Variants in KLRF1 observed in about 807,000 individuals in gnomAD.
KLRF1 encodes killer cell lectin-like receptor subfamily F member 1.
In KLRF1, 27 loss-of-function variants were observed where a neutral mutation model predicts 30.7. The ratio of observed to expected loss-of-function variants is 0.88; its 90% confidence interval spans 0.65 to 1.21. The LOEUF is 1.21. Among genes scored for constraint, KLRF1 ranks in the 50% most tolerant of loss-of-function variants. The pLI, the probability that KLRF1 is intolerant of heterozygous loss-of-function variation, is 0.00. For synonymous variants in KLRF1, 92 were observed against 89.3 expected (o/e 1.03, Z -0.17); for missense variants, 246 against 259.3 (o/e 0.95, Z 0.35).
At chr12:9,821,105 C>G in the KLRF1 span, among the ~76,000 whole-genome samples, 2 of 152,000 alleles carry the variant, frequency 1.3e-5, no homozygotes, top group African/African-American at 4.8e-5. Flanking sequence ...AAACAAAGAT[C>G]CTGAGGGCTA....
intron 3 of KLRF1, among the ~76,000 whole-genome samples, chr12:9,835,351 G>A (rs1002595615): frequency 6.6e-6 from 1 of 152,056 alleles, no homozygotes; most frequent in African/African-American, 2.4e-5. Flanking sequence ...TCCAGCTAGG[G>A]CGGCAGCCAC....
chr12:9,816,942 C>A, the KLRF1 span, among the ~76,000 whole-genome samples: 2 of 151,796 alleles, frequency 1.3e-5, no homozygotes, highest in African/African-American at 4.8e-5. Context: ...ACCGTGTTAG[C>A]CAGGGTGGTC....
intron 3 of KLRF1, among the ~76,000 whole-genome samples, chr12:9,836,307 A>G (rs1438630261): frequency 6.6e-6 from 1 of 152,000 alleles, no homozygotes; most frequent in South Asian, 2.1e-4. Flanking sequence ...CTGTCTAGTC[A>G]TACTCCTATT....
At position 9,841,966 on chromosome 12, in the gene KLRF1, A is replaced by G. The variant is rs1474925485; in HGVS notation, c.474+15A>G. 1 of 1,602,986 alleles carries G rather than the reference A, an allele frequency of 6.2e-7. No homozygotes were observed. Among genetic ancestry groups the G allele is most frequent in the Non-Finnish European group, 8.5e-7 (1 of 1,175,462 alleles). Reference sequence around the variant, plus strand: ...AACTTGAAATGGTAATTGGTCTAGTATCAGGGTTATGGCATCTTTGCAGTA... The same window carrying G: ...AACTTGAAATGGTAATTGGTCTAGTGTCAGGGTTATGGCATCTTTGCAGTA... On this transcript the variant is annotated intron_variant, in intron 4 of 5. Transcript: ENST00000617889.
chr12:9,835,583 A>C (rs1206814840), intron 3 of KLRF1, among the ~76,000 whole-genome samples: 1 of 152,038 alleles, frequency 6.6e-6, no homozygotes, highest in African/African-American at 2.4e-5. Flanking sequence ...CCTAAGCAAT[A>C]ATTACTGCTA....
intron 3 of KLRF1, among the ~76,000 whole-genome samples, chr12:9,841,567 A>G (rs1050369424): frequency 6.6e-6 from 1 of 152,094 alleles, no homozygotes; most frequent in African/African-American, 2.4e-5. Flanking sequence ...TAGTCAATAT[A>G]ATAGATCTTG....
upstream of KLRF1, among the ~76,000 whole-genome samples, chr12:9,827,008 A>G (rs1867293846): frequency 6.6e-6 from 1 of 152,192 alleles, no homozygotes; most frequent in Non-Finnish European, 1.5e-5. Context: ...CTACACATGT[A>G]GCCCTGAACC....
chr12:9,832,521 T>A (rs140856169), intron 2 of KLRF1, 107 bp downstream of exon 2: 8 of 671,992 alleles, frequency 1.2e-5, no homozygotes, highest in Non-Finnish European at 1.8e-5. Flanking sequence ...TAACCAAGAT[T>A]GAATTAGAAG....
chr12:9,833,285 A>T lies in KLRF1; in HGVS notation c.185-18A>T. 2 of 1,562,384 alleles carry T rather than the reference A, an allele frequency of 1.3e-6. No individual in the cohort carries two copies. The highest frequency in any genetic ancestry group is 1.7e-6 in the Non-Finnish European group (2 of 1,154,614). ...AGAGAAGATATTTACCTAACCTTAAAATAGTCCTGTATTCAAGTTTCTCAG... is the reference window on the plus strand; with the variant it reads ...AGAGAAGATATTTACCTAACCTTAATATAGTCCTGTATTCAAGTTTCTCAG... On this transcript the variant is annotated intron_variant, in intron 2 of 5. Transcript: ENST00000617889.
At chr12:9,824,562 G>A (rs1333495678), upstream of KLRF1, among the ~76,000 whole-genome samples, 4 of 152,072 alleles carry the variant, frequency 2.6e-5, no homozygotes, top group South Asian at 2.1e-4. Flanking sequence ...CACAAGACAC[G>A]AATGCCCACT....
the KLRF1 span, among the ~76,000 whole-genome samples, chr12:9,812,774 G>C: frequency 6.6e-6 from 1 of 152,150 alleles, no homozygotes; most frequent in South Asian, 2.1e-4. Context: ...AAAACTTATG[G>C]GAATTGCCTA....
chr12:9,833,743 T>C (rs1325215681), intron 3 of KLRF1, among the ~76,000 whole-genome samples: 1 of 152,142 alleles, frequency 6.6e-6, no homozygotes, highest in Non-Finnish European at 1.5e-5. Flanking sequence ...GCCATTCTTG[T>C]TTGTCACTTA....
chr12:9,811,319 CAAAAAAA>C, the KLRF1 span, among the ~76,000 whole-genome samples: 39 of 62,184 alleles, frequency 6.3e-4, no homozygotes, highest in African/African-American at 1.9e-3. Flanking sequence ...AGAAGTAGTC[CAAAAAAA>C]AAAAAAAAAA....
chr12:9,842,294 T>A, intron 4 of KLRF1, 27 bp from the exon 5 acceptor site: 1 of 1,605,144 alleles, frequency 6.2e-7, no homozygotes, highest in Non-Finnish European at 8.5e-7. Context: ...AATATTTTGT[T>A]CATTTAGTCC....
Position 9,844,629 on chromosome 12 carries a change from G to A in KLRF1, c.*103G>A. ...GTAAGATTTTAAAGTGCAATTAAAT[G>A]CCAAAATCTCTTCTCCCTTCTCCCT... is the stretch of plus-strand genomic sequence containing the variant. On this transcript the variant is annotated 3_prime_UTR_variant, in exon 6 of 6. Transcript: ENST00000617889. 6 of 628,416 alleles carry A rather than the reference G, an allele frequency of 9.5e-6. No homozygotes were observed. The South Asian group carries it at 1.1e-4, about 12-fold the overall frequency. 38.9% of individuals were successfully genotyped at this position (628,416 alleles called of 1,614,324 possible).
At chr12:9,840,436 A>T (rs891461774) in intron 3 of KLRF1, among the ~76,000 whole-genome samples, 2 of 152,254 alleles carry the variant, frequency 1.3e-5, no homozygotes, top group African/African-American at 4.8e-5. Flanking sequence ...TGGCCTTTAC[A>T]TATATTTTTA....
chr12:9,802,509 A>T, the KLRF1 span, among the ~76,000 whole-genome samples: 57 of 152,244 alleles, frequency 3.7e-4, 1 homozygote, highest in South Asian at 2.3e-3. Context: ...AGAGAAAGAA[A>T]TAAAGGATAT....
the KLRF1 span, among the ~76,000 whole-genome samples, chr12:9,803,790 C>G: frequency 1.3e-5 from 2 of 151,986 alleles, no homozygotes; most frequent in Non-Finnish European, 2.9e-5. Flanking sequence ...ATTCTGTTCC[C>G]TTGATCTGTT....
At chr12:9,815,120 A>T in the KLRF1 span, among the ~76,000 whole-genome samples, 1 of 152,212 alleles carries the variant, frequency 6.6e-6, no homozygotes. Context: ...TGAAAATATT[A>T]TGTACCAATA....
Sources: allele counts gnomAD v4.1 joint callset (sites outside exome capture counted in the v4.1 genomes callset), GRCh38; gene constraint gnomAD v4.1.1; transcripts MANE v1.5; gene names NCBI Gene and HGNC (gene_info 2026-07-23, HGNC 2026-07-21).